The following TMOD2 variants were observed in gnomAD, a reference collection of about 807,000 sequenced individuals.
The protein encoded by TMOD2 is tropomodulin 2.
Under a neutral mutation model 39.9 loss-of-function variants are expected in TMOD2, and 22 were observed. The observed-to-expected ratio is 0.55, with a 90% CI of 0.39 to 0.79. TMOD2 has a LOEUF of 0.79. Ranked by LOEUF, TMOD2 falls within the 30% of genes least tolerant of loss-of-function variation. The pLI is 0.00. For missense variants in TMOD2, 386 were observed against 413.3 expected (o/e 0.93, Z 0.57); for synonymous variants, 123 against 146.1 (o/e 0.84, Z 1.14).
chr15:51,772,642 G>A (rs2055860802), intron 3 of TMOD2, among the ~76,000 whole-genome samples: 1 of 152,172 alleles, frequency 6.6e-6, no homozygotes, highest in Non-Finnish European at 1.5e-5. Context: ...AGAATGCCTT[G>A]CTGCTCACAG....
In TMOD2 at chr15:51,776,899, C is replaced by T. The variant is rs374993341; in HGVS notation, c.407-33C>T. 14 of 1,581,216 alleles carry T rather than the reference C, an allele frequency of 8.9e-6. No homozygotes were observed. In the African/African-American group the frequency reaches 1.6e-4, roughly 18 times the overall value. On this transcript the variant is annotated intron_variant, in intron 4 of 9. Transcript: ENST00000249700. Reference sequence around the variant, plus strand: ...ATGTGGACATCCTAATGTGCTTCTCCAAACTTAATGCTCATTTGTTGACTG... The same window carrying T: ...ATGTGGACATCCTAATGTGCTTCTCTAAACTTAATGCTCATTTGTTGACTG...
intron 7 of TMOD2, among the ~76,000 whole-genome samples, chr15:51,786,993 C>A (rs2055974872): frequency 6.6e-6 from 1 of 152,146 alleles, no homozygotes; most frequent in African/African-American, 2.4e-5. Context: ...TGGGTGCAGC[C>A]CATGGAGGGT....
intron 3 of TMOD2, among the ~76,000 whole-genome samples, 163 bp from the exon 4 acceptor site, chr15:51,773,547 CTT>C (rs1157421921): frequency 2.6e-5 from 4 of 152,142 alleles, no homozygotes; most frequent in Non-Finnish European, 5.9e-5. Flanking sequence ...CTGACAGTGA[CTT>C]ATTGATGTTG....
At chr15:51,798,998 C>T (rs1316179984) in intron 8 of TMOD2, among the ~76,000 whole-genome samples, 3 of 152,222 alleles carry the variant, frequency 2.0e-5, no homozygotes, top group Non-Finnish European at 2.9e-5. Context: ...GTGCTTTTCC[C>T]TAGAGCCACC....
chr15:51,800,313 TC>T (rs1171240398), intron 8 of TMOD2, among the ~76,000 whole-genome samples: 9 of 152,174 alleles, frequency 5.9e-5, no homozygotes, highest in African/African-American at 2.2e-4. Flanking sequence ...GGCGAGCAGA[TC>T]ACCTGAGGTC....
At chr15:51,777,852 G>A (rs1427801180) in intron 5 of TMOD2, among the ~76,000 whole-genome samples, 2 of 152,178 alleles carry the variant, frequency 1.3e-5, no homozygotes, top group African/African-American at 2.4e-5. Context: ...TGCTGGAGAG[G>A]ATGTGGAGAA....
intron 1 of TMOD2, among the ~76,000 whole-genome samples, chr15:51,753,507 A>G (rs1250148441): frequency 2.0e-5 from 3 of 152,208 alleles, no homozygotes; most frequent in Non-Finnish European, 2.9e-5. Context: ...CAAGTGATAC[A>G]ATAGTGAATT....
At chr15:51,754,191 A>G (rs1310018430) in intron 1 of TMOD2, among the ~76,000 whole-genome samples, 1 of 152,170 alleles carries the variant, frequency 6.6e-6, no homozygotes, top group Non-Finnish European at 1.5e-5. Context: ...AGCCCTACCC[A>G]AGAACCATCC....
rs950307336 is a variant in TMOD2 at position 51,813,519 on chromosome 15, C to T, written c.*5065C>T. ...GTTAGTTGGTATGGTGAAGGGGCAC[C>T]GTACTAACAGATTTGGAGACTGAAA... On this transcript the variant is annotated 3_prime_UTR_variant, in exon 10 of 10. Coordinates refer to ENST00000249700, the MANE Select transcript of TMOD2 (RefSeq NM_014548.4). The T allele has an allele frequency of 3.3e-5, 5 of 152,142 alleles. No individual in the cohort carries two copies. Among genetic ancestry groups the T allele is most frequent in the South Asian group, 2.1e-4 (1 of 4,828 alleles). 9.4% of individuals were successfully genotyped at this position (152,142 alleles called of 1,614,324 possible). A position where few individuals can be genotyped will look rare whatever the true frequency, so the allele number is the denominator to read the frequency against.
chr15:51,766,650 T>A, intron 2 of TMOD2, 83 bp downstream of exon 2: 1 of 1,424,722 alleles, frequency 7.0e-7, no homozygotes, highest in Non-Finnish European at 9.6e-7. Context: ...ATGGTAGAAA[T>A]CCCTTAGCTC....
intron 8 of TMOD2, among the ~76,000 whole-genome samples, chr15:51,800,488 A>G (rs544631218): frequency 4.6e-5 from 7 of 152,222 alleles, no homozygotes; most frequent in African/African-American, 1.4e-4. Flanking sequence ...GTCAGCCAAG[A>G]TCATGCCACT....
intron 4 of TMOD2, among the ~76,000 whole-genome samples, chr15:51,775,818 C>T (rs1014486815): frequency 6.6e-6 from 1 of 152,010 alleles, no homozygotes; most frequent in Admixed American, 6.5e-5. Flanking sequence ...CCTCGTGATC[C>T]GCCCACCTCT....
intron 7 of TMOD2, among the ~76,000 whole-genome samples, chr15:51,795,588 TTCTTTCTTTCTTTC>T (rs2056045030): frequency 2.0e-5 from 1 of 50,398 alleles, no homozygotes; most frequent in Non-Finnish European, 4.6e-5. Context: ...CTTTCTTTCT[TTCTTTCTTTCTTTC>T]TTTCTTTCTT....
chr15:51,766,714 C>T, intron 2 of TMOD2, 147 bp downstream of exon 2: 1 of 822,460 alleles, frequency 1.2e-6, no homozygotes, highest in Non-Finnish European at 1.9e-6. Context: ...CCTGTGTTTA[C>T]AAATTCATAG....
chr15:51,759,108 C>T (rs1404990475), intron 1 of TMOD2, among the ~76,000 whole-genome samples: 1 of 152,114 alleles, frequency 6.6e-6, no homozygotes, highest in Admixed American at 6.5e-5. Flanking sequence ...GTGGACAATG[C>T]AGATGAGTGA....
At chr15:51,804,137 G>A (rs926120353) in intron 8 of TMOD2, among the ~76,000 whole-genome samples, 4 of 152,220 alleles carry the variant, frequency 2.6e-5, no homozygotes, top group African/African-American at 4.8e-5. Context: ...GCCCCAAGAT[G>A]CACTGGGGGA....
intron 1 of TMOD2, among the ~76,000 whole-genome samples, chr15:51,757,357 G>A (rs890623155): frequency 1.5e-5 from 2 of 129,504 alleles, no homozygotes; most frequent in Admixed American, 9.8e-5. Context: ...AACGGAGATC[G>A]CACCACTGCA....
chr15:51,753,392 T>C (rs1235326808), intron 1 of TMOD2, among the ~76,000 whole-genome samples: 1 of 152,172 alleles, frequency 6.6e-6, no homozygotes, highest in Non-Finnish European at 1.5e-5. Flanking sequence ...GAGTCTCCCG[T>C]TGTGAAGCAA....
At chr15:51,804,407 T>C (rs1162858900) in intron 8 of TMOD2, among the ~76,000 whole-genome samples, 1 of 152,192 alleles carries the variant, frequency 6.6e-6, no homozygotes, top group Non-Finnish European at 1.5e-5. Context: ...CAAGTGATTG[T>C]GTAGATACGT....
Sources: gnomAD v4.1 joint callset for allele counts (sites outside exome capture counted in the v4.1 genomes callset) on GRCh38, gnomAD v4.1.1 for gene constraint, MANE v1.5 for transcripts, NCBI Gene and HGNC (gene_info 2026-07-23, HGNC 2026-07-21) for gene names.